The following KLF8 variants were observed in gnomAD, a reference collection of about 807,000 sequenced individuals.
The protein encoded by KLF8 is Krueppel-like factor 8.
KLF8 carries 10 observed loss-of-function variants against 18.2 expected under a neutral mutation model. The ratio of observed to expected loss-of-function variants is 0.55; its 90% CI spans 0.34 to 0.93. The LOEUF (loss-of-function observed/expected upper bound fraction) is 0.93. Ranked by LOEUF, KLF8 falls within the 40% of genes least tolerant of loss-of-function variation. KLF8 has a pLI of 0.02. For synonymous variants in KLF8, 109 were observed against 97.3 expected (o/e 1.12, Z -0.71); for missense variants, 264 against 277.9 (o/e 0.95, Z 0.36).
the KLF8 span, among the ~76,000 whole-genome samples, chrX:56,001,719 C>G: frequency 8.9e-6 from 1 of 111,973 alleles, no homozygotes; most frequent in South Asian, 3.7e-4. Flanking sequence ...TCCACAAAAA[C>G]TTCCCTTGTA....
At chrX:55,959,994 A>T in the KLF8 span, among the ~76,000 whole-genome samples, 1 of 111,731 alleles carries the variant, frequency 9.0e-6, no homozygotes, top group South Asian at 3.7e-4. Context: ...GCAACTAGAA[A>T]GAAGGGGCAG....
the KLF8 span, among the ~76,000 whole-genome samples, chrX:56,206,959 G>C: frequency 8.9e-6 from 1 of 112,468 alleles, no homozygotes; most frequent in Middle Eastern, 4.7e-3. Context: ...TGATTTCTGT[G>C]CACCCACCGG....
chrX:56,082,232 G>A, the KLF8 span, among the ~76,000 whole-genome samples: 1 of 111,524 alleles, frequency 9.0e-6, no homozygotes, highest in Admixed American at 9.5e-5. Flanking sequence ...TAACCACTTC[G>A]TTGGTGTACA....
At chrX:55,951,490 A>AAAT in the KLF8 span, among the ~76,000 whole-genome samples, 5 of 109,282 alleles carry the variant, frequency 4.6e-5, no homozygotes, top group Middle Eastern at 4.8e-3. Context: ...AAAAAAAAAA[A>AAAT]AAAGAAAGAA....
the KLF8 span, among the ~76,000 whole-genome samples, chrX:56,137,923 C>G: frequency 3.7e-5 from 4 of 106,897 alleles, no homozygotes; most frequent in Non-Finnish European, 7.7e-5. Flanking sequence ...AAATTTAGCT[C>G]TTTGAAGGAA....
chrX:55,985,781 T>C, the KLF8 span, among the ~76,000 whole-genome samples: 1 of 110,979 alleles, frequency 9.0e-6, no homozygotes, highest in African/African-American at 3.3e-5. Flanking sequence ...GTTTTTTTCA[T>C]TTGTTTGTGT....
the KLF8 span, among the ~76,000 whole-genome samples, chrX:56,144,104 C>T: frequency 8.9e-6 from 1 of 112,060 alleles, no homozygotes; most frequent in Admixed American, 9.5e-5. Context: ...ACCAAATAGT[C>T]TGGGGCAACT....
At chrX:55,968,942 A>G in the KLF8 span, among the ~76,000 whole-genome samples, 1 of 111,951 alleles carries the variant, frequency 8.9e-6, no homozygotes, top group Admixed American at 9.5e-5. Context: ...ACACTGTTGC[A>G]ATCAGCTATA....
At chrX:56,015,710 A>C in the KLF8 span, among the ~76,000 whole-genome samples, 1 of 111,629 alleles carries the variant, frequency 9.0e-6, no homozygotes, top group African/African-American at 3.3e-5. Context: ...AGGGTAGAAT[A>C]CCACCAGGGA....
the KLF8 span, among the ~76,000 whole-genome samples, chrX:55,976,343 G>C: frequency 9.0e-6 from 1 of 110,826 alleles, no homozygotes; most frequent in African/African-American, 3.3e-5. Flanking sequence ...CTGAAACTTT[G>C]TTCTTTTTAC....
chrX:56,155,602 A>C, the KLF8 span, among the ~76,000 whole-genome samples: 1 of 112,046 alleles, frequency 8.9e-6, no homozygotes, highest in African/African-American at 3.2e-5. Flanking sequence ...CTTAAAGTAT[A>C]ATAAAAATAA....
the KLF8 span, among the ~76,000 whole-genome samples, chrX:56,142,352 C>G: frequency 9.0e-6 from 1 of 111,264 alleles, no homozygotes; most frequent in Admixed American, 9.6e-5. Context: ...CTTTATGTTA[C>G]TTCTGGCTTC....
chrX:55,980,391 G>A, the KLF8 span, among the ~76,000 whole-genome samples: 3 of 111,440 alleles, frequency 2.7e-5, no homozygotes, highest in Non-Finnish European at 5.6e-5. Context: ...ATCACACATA[G>A]GGAATAGAGG....
the KLF8 span, among the ~76,000 whole-genome samples, chrX:56,149,596 G>A: frequency 1.8e-5 from 2 of 111,412 alleles, no homozygotes; most frequent in Admixed American, 9.6e-5. Flanking sequence ...GAAGTTGAAA[G>A]TGTAAAACAA....
the KLF8 span, among the ~76,000 whole-genome samples, chrX:56,035,149 T>C: frequency 8.9e-6 from 1 of 112,129 alleles, no homozygotes; most frequent in African/African-American, 3.2e-5. Flanking sequence ...TCTGGTATCC[T>C]CTGTTCTACT....
chrX:55,942,025 C>T, the KLF8 span, among the ~76,000 whole-genome samples: 1 of 111,135 alleles, frequency 9.0e-6, no homozygotes, highest in Non-Finnish European at 1.9e-5. Flanking sequence ...GAGTATATAC[C>T]CAAAGGACTA....
chrX:56,172,478 GC>G, the KLF8 span, among the ~76,000 whole-genome samples: 1 of 111,618 alleles, frequency 9.0e-6, no homozygotes, highest in African/African-American at 3.3e-5. Flanking sequence ...GTGTATTTGT[GC>G]CACATTTTCT....
chrX:55,956,807 C>T, the KLF8 span, among the ~76,000 whole-genome samples: 1 of 111,582 alleles, frequency 9.0e-6, no homozygotes, highest in Non-Finnish European at 1.9e-5. Context: ...AACCTTTTAT[C>T]TGATATTTTA....
the KLF8 span, among the ~76,000 whole-genome samples, chrX:56,173,845 T>G: frequency 8.9e-6 from 1 of 111,847 alleles, no homozygotes; most frequent in African/African-American, 3.2e-5. Context: ...CTAGGTATTT[T>G]ATTCTCTTTG....
Sources: allele counts gnomAD v4.1 joint callset (sites outside exome capture counted in the v4.1 genomes callset), GRCh38; gene constraint gnomAD v4.1.1; transcripts MANE v1.5; gene names NCBI Gene and HGNC (gene_info 2026-07-23, HGNC 2026-07-21).